Variants in PCDH15 observed in about 807,000 individuals in gnomAD.
PCDH15 encodes the protein protocadherin related 15.
A neutral mutation model predicts 178.5 loss-of-function variants in PCDH15; 129 were observed. The ratio of observed to expected loss-of-function variants is 0.72; its 90% CI spans 0.63 to 0.84. The LOEUF is 0.84. Ranked by LOEUF, PCDH15 falls within the 40% of genes least tolerant of loss-of-function variation. The pLI, the probability that PCDH15 is intolerant of heterozygous loss-of-function variation, is 0.00. For missense variants in PCDH15, 2,230 were observed against 2,099.9 expected, an observed-to-expected ratio of 1.06 and a Z score of -1.21; for synonymous variants, 800 against 732.0, an observed-to-expected ratio of 1.09 and a Z score of -1.50.
intron 5 of PCDH15, among the ~76,000 whole-genome samples, chr10:54,356,848 G>C (rs1049835294): frequency 1.3e-5 from 2 of 152,004 alleles, no homozygotes; most frequent in Admixed American, 6.6e-5. Context: ...ATGCAAGGCT[G>C]GTTCAATATA....
chr10:54,527,677 C>T lies in PCDH15; in HGVS notation c.157+135G>A, dbSNP rs74744482. The stretch of plus-strand genomic sequence containing the variant: ...TCCAGAGACTGGCATAATTTAAACC[C>T]ATACTGGAGGGGAATTATCCATGGA... On this transcript the variant is annotated intron_variant, in intron 3 of 37. Coordinates refer to ENST00000644397, the MANE Select transcript of PCDH15 (RefSeq NM_001384140.1). The T allele has an allele frequency of 8.7e-4, 464 of 531,648 alleles. 3 individuals are homozygous for T. The East Asian group carries it at 0.013, about 15-fold the overall frequency. The allele number at this position is 531,648 out of a possible 1,614,324, so 32.9% of individuals were successfully genotyped here. A position where few individuals can be genotyped will look rare whatever the true frequency, so the allele number is the denominator to read the frequency against.
At chr10:55,077,985 C>T (rs1048313871) in intron 2 of PCDH15, among the ~76,000 whole-genome samples, 7 of 152,148 alleles carry the variant, frequency 4.6e-5, no homozygotes, top group South Asian at 2.1e-4. Flanking sequence ...GAACTTCTTT[C>T]AGCATTTCTT....
At chr10:54,456,679 G>A (rs1051430254) in intron 3 of PCDH15, among the ~76,000 whole-genome samples, 9 of 152,112 alleles carry the variant, frequency 5.9e-5, no homozygotes, top group African/African-American at 1.9e-4. Flanking sequence ...GGAGGGACTA[G>A]GGGTAGAATG....
At chr10:53,924,512 C>T (rs2084310906) in intron 25 of PCDH15, among the ~76,000 whole-genome samples, 1 of 152,216 alleles carries the variant, frequency 6.6e-6, no homozygotes, top group East Asian at 1.9e-4. Context: ...AGCACCACCC[C>T]CTGCTCTGTG....
At chr10:53,819,683 T>G (rs1305510921) in intron 33 of PCDH15, among the ~76,000 whole-genome samples, 2 of 151,592 alleles carry the variant, frequency 1.3e-5, no homozygotes, top group Non-Finnish European at 2.9e-5. Context: ...ATAATAAATA[T>G]TGAGAAAAAA....
intron 2 of PCDH15, among the ~76,000 whole-genome samples, chr10:54,593,923 G>T (rs931434560): frequency 6.6e-6 from 1 of 151,756 alleles, no homozygotes; most frequent in Non-Finnish European, 1.5e-5. Flanking sequence ...CCCACAGAGG[G>T]ACCACGACAT....
chr10:54,823,433 A>G (rs1209668633), intron 3 of PCDH15, among the ~76,000 whole-genome samples: 5 of 152,136 alleles, frequency 3.3e-5, no homozygotes, highest in Non-Finnish European at 7.4e-5. Flanking sequence ...AAAAGCTTGT[A>G]ACACTGGTAA....
At chr10:54,532,702 G>A (rs2084052712) in intron 2 of PCDH15, among the ~76,000 whole-genome samples, 1 of 151,784 alleles carries the variant, frequency 6.6e-6, no homozygotes, top group Non-Finnish European at 1.5e-5. Flanking sequence ...TTTCTCAAGT[G>A]CAAGTACAGC....
At chr10:55,090,290 T>TA (rs1444576129) in intron 2 of PCDH15, among the ~76,000 whole-genome samples, 1 of 151,988 alleles carries the variant, frequency 6.6e-6, no homozygotes, top group Non-Finnish European at 1.5e-5. Flanking sequence ...AAAACAAGAA[T>TA]TATACAATAT....
At chr10:54,988,736 G>T (rs992077555) in intron 2 of PCDH15, among the ~76,000 whole-genome samples, 1 of 152,162 alleles carries the variant, frequency 6.6e-6, no homozygotes, top group Admixed American at 6.5e-5. Flanking sequence ...TATAAGGGAA[G>T]CAGAGCATTA....
Position 55,579,369 on chromosome 10 carries a change from C to G in PCDH15, c.-156+48256G>C, listed in dbSNP as rs559026766. Among the ~76,000 whole-genome samples the G allele has an allele frequency of 2.1e-3, 315 of 152,288 alleles. 1 individual carries two copies. The highest frequency in any genetic ancestry group is 4.1e-3 in the South Asian group (20 of 4,830). ...AGCATTATTAGTGTAACGCTTCAAA[C>G]ATCAGCTCCTTCAGGGAGTAATTCC... On this transcript the variant is annotated intron_variant, in intron 2 of 5. Transcript: ENST00000613346.
At position 54,576,445 on chromosome 10, in the gene PCDH15, T is replaced by C. The variant is rs151330038; in HGVS notation, c.92-48568A>G. Reference sequence around the variant, plus strand: ...TACTAATCATTTAAAGACAACTTGCTGTAAATGAAAGACAAAGATGAATAA... The same window carrying C: ...TACTAATCATTTAAAGACAACTTGCCGTAAATGAAAGACAAAGATGAATAA... On this transcript the variant is annotated intron_variant, in intron 2 of 37. Coordinates refer to ENST00000644397, the MANE Select transcript of PCDH15 (RefSeq NM_001384140.1). Among the ~76,000 whole-genome samples, 280 of 152,342 alleles carry C rather than the reference T, an allele frequency of 1.8e-3. 1 individual carries two copies. Among genetic ancestry groups the C allele is most frequent in the African/African-American group, 6.6e-3 (275 of 41,582 alleles).
At chr10:55,083,158 AC>A (rs914379072) in intron 2 of PCDH15, among the ~76,000 whole-genome samples, 12 of 151,916 alleles carry the variant, frequency 7.9e-5, no homozygotes, top group African/African-American at 2.4e-4. Flanking sequence ...GCAAAAAAAA[AC>A]ACTAGCAAAC....
At chr10:54,340,966 C>T (rs926844834) in intron 6 of PCDH15, among the ~76,000 whole-genome samples, 14 of 152,142 alleles carry the variant, frequency 9.2e-5, no homozygotes, top group African/African-American at 3.4e-4. Flanking sequence ...CATGCTTCAG[C>T]CCTCTTGCCC....
chr10:54,171,616 G>A (rs557254471), intron 13 of PCDH15, among the ~76,000 whole-genome samples: 2,104 of 152,002 alleles, frequency 0.014, 49 homozygotes, highest in African/African-American at 0.048. Context: ...ATATCTCCTG[G>A]TGCTATCCCC....
chr10:53,876,506 C>T (rs903047382), intron 26 of PCDH15, among the ~76,000 whole-genome samples: 1 of 151,730 alleles, frequency 6.6e-6, no homozygotes, highest in East Asian at 1.9e-4. Context: ...TTTTTAGAAA[C>T]CAGAAAGAAA....
At chr10:54,843,329 C>G (rs1564560863) in intron 3 of PCDH15, among the ~76,000 whole-genome samples, 1 of 151,944 alleles carries the variant, frequency 6.6e-6, no homozygotes, top group Non-Finnish European at 1.5e-5. Context: ...GTAAGCTTAA[C>G]AATCAGGCAA....
chr10:55,559,365 GT>G (rs1471592230), intron 2 of PCDH15, among the ~76,000 whole-genome samples: 1 of 151,968 alleles, frequency 6.6e-6, no homozygotes, highest in Non-Finnish European at 1.5e-5. Flanking sequence ...AAAATACAGT[GT>G]AGTAGAGTTT....
intron 2 of PCDH15, among the ~76,000 whole-genome samples, chr10:54,937,107 T>C (rs1448030123): frequency 2.0e-5 from 3 of 152,010 alleles, no homozygotes; most frequent in Non-Finnish European, 4.4e-5. Flanking sequence ...ATTTACCCCA[T>C]TGAAATCTCG....
Sources: gnomAD v4.1 joint callset for allele counts (sites outside exome capture counted in the v4.1 genomes callset) on GRCh38, gnomAD v4.1.1 for gene constraint, MANE v1.5 for transcripts, NCBI Gene and HGNC (gene_info 2026-07-23, HGNC 2026-07-21) for gene names.